The following ESRRG variants were observed in gnomAD, a reference collection of about 807,000 sequenced individuals.
The protein encoded by ESRRG is estrogen-related receptor gamma.
In ESRRG, 13 loss-of-function variants were observed where a neutral mutation model predicts 44.0. The observed-to-expected ratio is 0.30, with a 90% CI of 0.19 to 0.47. The LOEUF (loss-of-function observed/expected upper bound fraction) is 0.47. ESRRG is among the 20% of genes least tolerant of loss of function. The pLI is 1.00. For missense variants in ESRRG, 395 were observed against 580.6 expected, an observed-to-expected ratio of 0.68 and a Z score of 3.29; for synonymous variants, 215 against 214.6, an observed-to-expected ratio of 1.00 and a Z score of -0.02.
At chr1:216,749,796 C>T (rs1484473844) in intron 2 of ESRRG, among the ~76,000 whole-genome samples, 1 of 152,060 alleles carries the variant, frequency 6.6e-6, no homozygotes, top group Admixed American at 6.6e-5. Flanking sequence ...CATTTTTCTA[C>T]CTAAGTTAGT....
At chr1:216,714,977 C>T (rs2084510324) in intron 1 of ESRRG, 1 of 576,032 alleles carries the variant, frequency 1.7e-6, no homozygotes, top group Admixed American at 6.3e-5. Flanking sequence ...GAAAGAATCT[C>T]TGCCTGAGCT....
At chr1:217,041,645 A>G (rs2083890584) in intron 1 of ESRRG, among the ~76,000 whole-genome samples, 2 of 152,100 alleles carry the variant, frequency 1.3e-5, no homozygotes, top group South Asian at 4.1e-4. Context: ...GTTTTTGTTT[A>G]TTGTTTCCTC....
intron 3 of ESRRG, among the ~76,000 whole-genome samples, chr1:216,592,177 G>A: frequency 6.7e-6 from 1 of 148,396 alleles, no homozygotes. Context: ...CTTCAAAATT[G>A]CTAGTCATGA....
chr1:216,963,295 A>G lies in ESRRG; in HGVS notation c.-105-23622T>C, dbSNP rs550132069. 2.6e-4 allele frequency among the ~76,000 whole-genome samples: 40 copies of G among 152,248 alleles called. No individual in the cohort carries two copies. In the South Asian group the frequency reaches 8.1e-3, roughly 31 times the overall value. On this transcript the variant is annotated intron_variant, in intron 1 of 7. Transcript: ENST00000359162. ...TGTGACACTGATTACTAGGGAAGCG[A>G]CAGAGTTGGTTTCTGAGGTTATAAA... is the stretch of plus-strand genomic sequence containing the variant.
intron 5 of ESRRG, among the ~76,000 whole-genome samples, chr1:216,550,880 G>GTCC (rs2056111527): frequency 5.9e-5 from 9 of 152,132 alleles, no homozygotes; most frequent in Admixed American, 5.9e-4. Flanking sequence ...TGCATATAGA[G>GTCC]TTTAAGAACA....
chr1:217,116,117 C>T (rs1558278716), intron 1 of ESRRG, among the ~76,000 whole-genome samples: 1 of 152,164 alleles, frequency 6.6e-6, no homozygotes, highest in African/African-American at 2.4e-5. Flanking sequence ...TGATCTCATG[C>T]TCAGCCTGTT....
At position 216,945,222 on chromosome 1, in the gene ESRRG, C is replaced by T. The variant is rs568858163; in HGVS notation, c.-105-5549G>A. ...GGAGGGAAAAGTGGGTTTTGTTAAACAAAGATGAGAAGAGAGAGTGCTGAG... is the reference window on the plus strand; with the variant it reads ...GGAGGGAAAAGTGGGTTTTGTTAAATAAAGATGAGAAGAGAGAGTGCTGAG... On this transcript the variant is annotated intron_variant, in intron 1 of 7. Coordinates refer to the ESRRG transcript ENST00000359162. 8.6e-5 allele frequency among the ~76,000 whole-genome samples: 13 copies of T among 152,030 alleles called. No individual in the cohort carries two copies. In the South Asian group the frequency reaches 1.7e-3, roughly 19 times the overall value.
intron 3 of ESRRG, among the ~76,000 whole-genome samples, chr1:216,569,178 A>G (rs533626488): frequency 1.3e-4 from 12 of 91,574 alleles, no homozygotes; most frequent in African/African-American, 4.0e-4. Flanking sequence ...AAGGGAAGGG[A>G]AGGGAAGGGA....
At chr1:216,802,847 T>C (rs917845996) in intron 2 of ESRRG, among the ~76,000 whole-genome samples, 3 of 152,180 alleles carry the variant, frequency 2.0e-5, no homozygotes, top group East Asian at 3.9e-4. Flanking sequence ...TCCCCACTTA[T>C]AGATTATAAA....
intron 2 of ESRRG, among the ~76,000 whole-genome samples, chr1:216,912,431 G>A (rs556335537): frequency 6.6e-6 from 1 of 152,204 alleles, no homozygotes; most frequent in East Asian, 1.9e-4. Flanking sequence ...ATTCAAGATG[G>A]CAGTAGTAGG....
At chr1:217,055,535 T>G (rs888458778) in intron 1 of ESRRG, among the ~76,000 whole-genome samples, 1 of 152,104 alleles carries the variant, frequency 6.6e-6, no homozygotes, top group Admixed American at 6.6e-5. Context: ...CTTAATGCCC[T>G]CCACCTGGCA....
chr1:216,859,250 G>A (rs965868967), intron 2 of ESRRG, among the ~76,000 whole-genome samples: 11 of 152,176 alleles, frequency 7.2e-5, no homozygotes, highest in African/African-American at 2.2e-4. Flanking sequence ...TGATCTCTAA[G>A]AGATTAGAAA....
chr1:217,087,280 T>G (rs1420442169), intron 1 of ESRRG, among the ~76,000 whole-genome samples: 1 of 152,206 alleles, frequency 6.6e-6, no homozygotes, highest in Non-Finnish European at 1.5e-5. Flanking sequence ...TCTGCCGGGT[T>G]AGTTATACCT....
At position 216,866,179 on chromosome 1, in the gene ESRRG, T is replaced by A. The variant is rs115967919; in HGVS notation, c.-14+73403A>T. Among the ~76,000 whole-genome samples, 399 of 152,314 alleles carry A rather than the reference T, an allele frequency of 2.6e-3. 2 individuals carry two copies. The highest frequency in any genetic ancestry group is 8.9e-3 in the African/African-American group (371 of 41,576). ...TTATGAAAAGTAATACTGTAAAACATGCTATCAAGTAATCAACATATTTAT... is the reference window on the plus strand; with the variant it reads ...TTATGAAAAGTAATACTGTAAAACAAGCTATCAAGTAATCAACATATTTAT... On this transcript the variant is annotated intron_variant, in intron 2 of 7. Transcript: ENST00000359162.
intron 2 of ESRRG, among the ~76,000 whole-genome samples, chr1:216,929,290 C>T (rs1297357256): frequency 6.6e-6 from 1 of 152,118 alleles, no homozygotes; most frequent in Non-Finnish European, 1.5e-5. Flanking sequence ...TTCCTTCCCT[C>T]TTTCCCTTAA....
intron 1 of ESRRG, among the ~76,000 whole-genome samples, chr1:217,072,381 T>C (rs1042281421): frequency 1.3e-5 from 2 of 152,224 alleles, no homozygotes; most frequent in African/African-American, 4.8e-5. Context: ...AAGACTTTTC[T>C]CATAATTCTA....
chr1:216,880,917 T>C (rs912325603), intron 2 of ESRRG, among the ~76,000 whole-genome samples: 2 of 152,202 alleles, frequency 1.3e-5, no homozygotes, highest in African/African-American at 4.8e-5. Flanking sequence ...AGAATAATTA[T>C]TGCCTTTTAA....
chr1:216,740,634 A>G (rs2152220503), intron 2 of ESRRG, among the ~76,000 whole-genome samples: 1 of 152,194 alleles, frequency 6.6e-6, no homozygotes, highest in Non-Finnish European at 1.5e-5. Context: ...TAACATTAAA[A>G]AAAAAAAGAA....
In ESRRG at chr1:216,943,342, C is replaced by G. The variant is rs530122431; in HGVS notation, c.-105-3669G>C. On this transcript the variant is annotated intron_variant, in intron 1 of 7. Transcript: ENST00000359162. The stretch of plus-strand genomic sequence containing the variant: ...CCCTACCATCACCCTCTACCATCAC[C>G]AGCAGCTGCCTCTGCATTGTTGCAG... Among the ~76,000 whole-genome samples, 10 of 152,310 alleles carry G rather than the reference C, an allele frequency of 6.6e-5. No homozygotes were observed. The East Asian group carries it at 1.5e-3, about 24-fold the overall frequency.
Sources: gnomAD v4.1 joint callset for allele counts (sites outside exome capture counted in the v4.1 genomes callset) on GRCh38, gnomAD v4.1.1 for gene constraint, MANE v1.5 for transcripts, NCBI Gene and HGNC (gene_info 2026-07-23, HGNC 2026-07-21) for gene names.